Variants in KIF26B observed in about 807,000 individuals in gnomAD.
The protein encoded by KIF26B is kinesin family member 26B.
Under a neutral mutation model 151.2 loss-of-function variants are expected in KIF26B, and 63 were observed. The ratio of observed to expected loss-of-function variants is 0.42; its 90% CI spans 0.34 to 0.51. The LOEUF (loss-of-function observed/expected upper bound fraction) is 0.51. Ranked by LOEUF, KIF26B falls within the 20% of genes least tolerant of loss-of-function variation. KIF26B has a pLI of 0.07. For missense variants in KIF26B, 2,813 were observed against 2,913.6 expected (o/e 0.97, Z 0.79); for synonymous variants, 1,357 against 1,262.1 (o/e 1.08, Z -1.59).
chr1:245,174,872 T>C (rs892119534), intron 2 of KIF26B, among the ~76,000 whole-genome samples: 4 of 152,162 alleles, frequency 2.6e-5, no homozygotes, highest in African/African-American at 9.7e-5. Flanking sequence ...TTATTTACCT[T>C]TTTGCAGGTG....
intron 2 of KIF26B, among the ~76,000 whole-genome samples, chr1:245,334,201 AG>A (rs1411437292): frequency 6.6e-6 from 1 of 152,142 alleles, no homozygotes; most frequent in African/African-American, 2.4e-5. Context: ...AATTCCTTTT[AG>A]TGTCTTGCAT....
At chr1:245,380,791 T>C (rs1673389194) in intron 3 of KIF26B, among the ~76,000 whole-genome samples, 1 of 151,998 alleles carries the variant, frequency 6.6e-6, no homozygotes, top group African/African-American at 2.4e-5. Context: ...CTGACGTGAT[T>C]TCTTTGGGGG....
chr1:245,612,695 C>G (rs569749080), intron 9 of KIF26B, among the ~76,000 whole-genome samples: 1 of 152,150 alleles, frequency 6.6e-6, no homozygotes, highest in African/African-American at 2.4e-5. Context: ...ATCATTAGCT[C>G]GAGGCCACTG....
At chr1:245,214,843 A>G (rs770517441) in intron 2 of KIF26B, among the ~76,000 whole-genome samples, 4 of 152,304 alleles carry the variant, frequency 2.6e-5, no homozygotes, top group Non-Finnish European at 4.4e-5. Context: ...TCCGTCTGAA[A>G]AATAAATAAG....
intron 4 of KIF26B, among the ~76,000 whole-genome samples, chr1:245,518,759 G>A (rs926657337): frequency 6.6e-6 from 1 of 152,112 alleles, no homozygotes; most frequent in South Asian, 2.1e-4. Context: ...AGAACGCCGC[G>A]GTGGTTACAG....
chr1:245,306,141 C>A (rs555595019), intron 2 of KIF26B, among the ~76,000 whole-genome samples: 84 of 152,160 alleles, frequency 5.5e-4, no homozygotes, highest in Non-Finnish European at 1.0e-3. Context: ...CAAATAGAAA[C>A]AACCCAAATG....
At chr1:245,340,946 C>T (rs888546241) in intron 2 of KIF26B, among the ~76,000 whole-genome samples, 3 of 152,056 alleles carry the variant, frequency 2.0e-5, no homozygotes, top group Non-Finnish European at 2.9e-5. Context: ...AAAGTGGGGA[C>T]GTCAGTGGAT....
chr1:245,678,128 G>A (rs192521999), intron 10 of KIF26B, among the ~76,000 whole-genome samples: 1 of 152,324 alleles, frequency 6.6e-6, no homozygotes, highest in East Asian at 1.9e-4. Flanking sequence ...GAAGGAGGCA[G>A]GGTCAGTGGT....
intron 2 of KIF26B, among the ~76,000 whole-genome samples, chr1:245,354,139 C>T (rs570156509): frequency 1.3e-5 from 2 of 152,286 alleles, no homozygotes; most frequent in South Asian, 4.1e-4. Context: ...CACAATCTGG[C>T]ATGAGGTCTG....
rs553707601 is a variant in KIF26B, at chr1:245,430,261, C to G, written c.1166+10516C>G. Among the ~76,000 whole-genome samples, 212 of 151,890 alleles carry G rather than the reference C, an allele frequency of 1.4e-3. 8 individuals carry two copies. The South Asian group carries it at 0.042, about 30-fold the overall frequency. On this transcript the variant is annotated intron_variant, in intron 4 of 14. Transcript: ENST00000407071. ...GGATGAGGAGAGGATGCAATTTTAT[C>G]TAGTATATGTTGCGTAAATTTGTTT...
intron 4 of KIF26B, among the ~76,000 whole-genome samples, chr1:245,459,349 G>C (rs1659602013): frequency 6.6e-6 from 1 of 152,008 alleles, no homozygotes; most frequent in African/African-American, 2.4e-5. Context: ...CCCTCTTTTG[G>C]TTTTATTTTT....
intron 2 of KIF26B, among the ~76,000 whole-genome samples, chr1:245,209,447 A>G (rs928958044): frequency 1.3e-5 from 2 of 152,118 alleles, no homozygotes; most frequent in Admixed American, 1.3e-4. Flanking sequence ...ACATTAACAA[A>G]TGGATGAATC....
rs555922288 is a variant in KIF26B, at chr1:245,660,718, C to T, written c.2258+14438C>T. On this transcript the variant is annotated intron_variant, in intron 10 of 14. Transcript: ENST00000407071. ...TTTCCCCTTCTTGTTCTGTAAGCACCTACGTTGCTCTCTAAGTACTGCTTT... is the reference window on the plus strand; with the variant it reads ...TTTCCCCTTCTTGTTCTGTAAGCACTTACGTTGCTCTCTAAGTACTGCTTT... Among the ~76,000 whole-genome samples, 87 of 152,272 alleles carry T rather than the reference C, an allele frequency of 5.7e-4. 1 individual carries two copies. Among genetic ancestry groups the T allele is most frequent in the Middle Eastern group, 3.4e-3 (1 of 294 alleles).
intron 2 of KIF26B, among the ~76,000 whole-genome samples, chr1:245,334,170 T>A (rs2102992551): frequency 6.6e-6 from 1 of 152,314 alleles, no homozygotes; most frequent in South Asian, 2.1e-4. Context: ...TCTCTTTTTA[T>A]TTTTCAGAGG....
rs191401605 is a variant in KIF26B at position 245,341,145 on chromosome 1, A to G, written c.466-25689A>G. On this transcript the variant is annotated intron_variant, in intron 2 of 14. Coordinates refer to ENST00000407071, the MANE Select transcript of KIF26B (RefSeq NM_018012.4). The stretch of plus-strand genomic sequence containing the variant: ...CAGATGGTTTCACTCAAACCCATTC[A>G]GTGCTCCAGAGTCAAGTGCTGGTCA... 1.8e-3 allele frequency among the ~76,000 whole-genome samples: 267 copies of G among 152,122 alleles called. 2 individuals carry two copies. Among genetic ancestry groups the G allele is most frequent in the African/African-American group, 6.1e-3 (254 of 41,498 alleles).
intron 5 of KIF26B, among the ~76,000 whole-genome samples, chr1:245,545,372 G>A (rs989730967): frequency 6.6e-6 from 1 of 152,152 alleles, no homozygotes; most frequent in South Asian, 2.1e-4. Flanking sequence ...AAAGTGCTAG[G>A]ATTACAGGCA....
chr1:245,514,397 C>T (rs1203975464), intron 4 of KIF26B, among the ~76,000 whole-genome samples: 28 of 152,074 alleles, frequency 1.8e-4, no homozygotes, highest in South Asian at 2.1e-4. Flanking sequence ...GGCATGGTGG[C>T]GGGCGTCTGT....
chr1:245,359,997 T>A (rs1254787136), intron 2 of KIF26B, among the ~76,000 whole-genome samples: 1 of 151,652 alleles, frequency 6.6e-6, no homozygotes, highest in Non-Finnish European at 1.5e-5. Flanking sequence ...CTCAGCCTCC[T>A]GAGTAGCTGG....
intron 2 of KIF26B, among the ~76,000 whole-genome samples, chr1:245,340,245 G>T (rs763500438): frequency 3.9e-5 from 6 of 152,084 alleles, no homozygotes; most frequent in Non-Finnish European, 8.8e-5. Flanking sequence ...TATAACCCAG[G>T]TACGTCCTCC....
Sources: gnomAD v4.1 joint callset for allele counts (sites outside exome capture counted in the v4.1 genomes callset) on GRCh38, gnomAD v4.1.1 for gene constraint, MANE v1.5 for transcripts, NCBI Gene and HGNC (gene_info 2026-07-23, HGNC 2026-07-21) for gene names.